Variants in RALGPS1 observed in about 807,000 individuals in gnomAD.
RALGPS1 encodes the protein Ral GEF with PH domain and SH3 binding motif 1, also known as ras-specific guanine nucleotide-releasing factor RalGPS1.
A neutral mutation model predicts 78.8 loss-of-function variants in RALGPS1; 19 were observed. The observed-to-expected ratio is 0.24, with a 90% CI of 0.17 to 0.35. The LOEUF (loss-of-function observed/expected upper bound fraction) is 0.35. RALGPS1 is among the 10% of genes least tolerant of loss of function. The pLI, the probability that RALGPS1 is intolerant of heterozygous loss-of-function variation, is 1.00. For missense variants in RALGPS1, 454 were observed against 688.3 expected (o/e 0.66, Z 3.81); for synonymous variants, 228 against 256.3 (o/e 0.89, Z 1.06).
At chr9:127,124,617 G>A (rs900318294) in intron 8 of RALGPS1, among the ~76,000 whole-genome samples, 1 of 152,204 alleles carries the variant, frequency 6.6e-6, no homozygotes, top group Non-Finnish European at 1.5e-5. Context: ...TAGTAACTGG[G>A]ATAGACTCGG....
intron 1 of RALGPS1, among the ~76,000 whole-genome samples, chr9:126,953,722 C>T (rs575688743): frequency 8.5e-5 from 13 of 152,242 alleles, no homozygotes; most frequent in African/African-American, 1.4e-4. Context: ...GAGGCTTGTG[C>T]GACTCCCCTG....
intron 5 of RALGPS1, among the ~76,000 whole-genome samples, chr9:127,037,027 G>T (rs1300925384): frequency 2.0e-5 from 3 of 152,188 alleles, no homozygotes; most frequent in Non-Finnish European, 4.4e-5. Context: ...GTATGATCTT[G>T]GGTTGGCTTT....
chr9:127,103,862 C>T (rs750295149), intron 8 of RALGPS1, among the ~76,000 whole-genome samples: 1 of 152,184 alleles, frequency 6.6e-6, no homozygotes, highest in Non-Finnish European at 1.5e-5. Flanking sequence ...GTGATTTTTA[C>T]ACCAGTTCCC....
intron 8 of RALGPS1, among the ~76,000 whole-genome samples, chr9:127,128,408 T>G (rs1333784574): frequency 1.3e-5 from 2 of 152,264 alleles, no homozygotes; most frequent in African/African-American, 2.4e-5. Context: ...GCAGCACTTT[T>G]TCTTTCCTAG....
At chr9:127,108,119 G>T (rs774255661) in intron 8 of RALGPS1, 1 of 1,613,738 alleles carries the variant, frequency 6.2e-7, no homozygotes, top group Non-Finnish European at 8.5e-7. Flanking sequence ...GGCACCCTCT[G>T]GCAGTGCTCC....
At chr9:127,138,573 A>G (rs995724694) in intron 8 of RALGPS1, among the ~76,000 whole-genome samples, 3 of 152,160 alleles carry the variant, frequency 2.0e-5, no homozygotes, top group African/African-American at 7.2e-5. Flanking sequence ...CACATACTCT[A>G]TAGAAGAAAC....
chr9:127,092,149 C>T (rs2052565203), intron 8 of RALGPS1, among the ~76,000 whole-genome samples: 1 of 152,246 alleles, frequency 6.6e-6, no homozygotes, highest in Admixed American at 6.5e-5. Context: ...CTGTGCCAGG[C>T]ATCATGTGAA....
intron 4 of RALGPS1, among the ~76,000 whole-genome samples, chr9:126,982,928 C>CT (rs71377984): frequency 0.022 from 746 of 34,624 alleles, 59 homozygotes; most frequent in African/African-American, 0.043. Context: ...TCTTCTTCTT[C>CT]TTTTTTTTTT....
rs998466632 is a variant in RALGPS1 at position 127,183,379 on chromosome 9, C to T, written c.910+8597C>T. Among the ~76,000 whole-genome samples the T allele has an allele frequency of 6.6e-5, 10 of 152,304 alleles. No homozygotes were observed. Among genetic ancestry groups the T allele is most frequent in the Non-Finnish European group, 1.0e-4 (7 of 68,018 alleles). Reference sequence around the variant, plus strand: ...CCCTGCAGCCCCTTCCATGCCCCCCCGCAAAGTCTGGTGCCCACTGCCAGC... The same window carrying T: ...CCCTGCAGCCCCTTCCATGCCCCCCTGCAAAGTCTGGTGCCCACTGCCAGC... On this transcript the variant is annotated intron_variant, in intron 11 of 18. Coordinates refer to ENST00000259351, the MANE Select transcript of RALGPS1 (RefSeq NM_014636.3). This position sits in a 1 kb window ranked among gnomAD's most constrained non-coding sequence, Gnocchi z 4.0.
At chr9:127,004,569 C>T (rs1489816916) in intron 4 of RALGPS1, among the ~76,000 whole-genome samples, 1 of 152,190 alleles carries the variant, frequency 6.6e-6, no homozygotes, top group African/African-American at 2.4e-5. Context: ...TTTCACATCA[C>T]TATGTTATGT....
In RALGPS1 at chr9:127,155,270, G is replaced by A. The variant is rs2058649434; in HGVS notation, c.611-10799G>A. Among the ~76,000 whole-genome samples the A allele has an allele frequency of 2.0e-5, 3 of 152,222 alleles. No individual in the cohort carries two copies. In the South Asian group the frequency reaches 6.2e-4, roughly 32 times the overall value. Reference sequence around the variant, plus strand: ...TTTCTGAGCCCCTGCTCTATGCTAGGCTTGGTGCTGGGCCCTTGAGCATGC... The same window carrying A: ...TTTCTGAGCCCCTGCTCTATGCTAGACTTGGTGCTGGGCCCTTGAGCATGC... On this transcript the variant is annotated intron_variant, in intron 8 of 18. Coordinates refer to ENST00000259351, the MANE Select transcript of RALGPS1 (RefSeq NM_014636.3).
intron 7 of RALGPS1, among the ~76,000 whole-genome samples, chr9:127,058,218 G>A (rs1254744576): frequency 6.6e-6 from 1 of 152,236 alleles, no homozygotes; most frequent in Non-Finnish European, 1.5e-5. Flanking sequence ...GGATGTGAGA[G>A]GCAGTGACTG....
At position 127,125,351 on chromosome 9, in the gene RALGPS1, T is replaced by A. The variant is rs2056533755; in HGVS notation, c.611-40718T>A. 2.6e-5 allele frequency among the ~76,000 whole-genome samples: 4 copies of A among 152,168 alleles called. No individual in the cohort carries two copies. The South Asian group carries it at 8.3e-4, about 32-fold the overall frequency. On this transcript the variant is annotated intron_variant, in intron 8 of 18. Transcript: ENST00000259351. The stretch of plus-strand genomic sequence containing the variant: ...AGTACAGAGGAGTGAATAAACGAAC[T>A]GCTGGCTGGAGGAGGATGAAGAGCC...
intron 1 of RALGPS1, chr9:126,915,321 G>T (rs1177393456): frequency 1.4e-5 from 2 of 143,192 alleles, no homozygotes; most frequent in Non-Finnish European, 3.1e-5. Context: ...GGCTGCAGGT[G>T]CGGGGGGCGG....
At chr9:127,096,100 G>A (rs1171139393) in intron 8 of RALGPS1, among the ~76,000 whole-genome samples, 1 of 152,200 alleles carries the variant, frequency 6.6e-6, no homozygotes, top group Non-Finnish European at 1.5e-5. Context: ...GGTAGCAGAT[G>A]GGGCACAAGC....
At chr9:127,176,428 G>A (rs1053161365) in intron 11 of RALGPS1, among the ~76,000 whole-genome samples, 2 of 152,192 alleles carry the variant, frequency 1.3e-5, no homozygotes, top group African/African-American at 4.8e-5. Flanking sequence ...AGGGAGCAGG[G>A]CAGGGTTCCT....
At chr9:126,942,682 C>T (rs1323248586) in intron 1 of RALGPS1, among the ~76,000 whole-genome samples, 2 of 152,052 alleles carry the variant, frequency 1.3e-5, no homozygotes, top group Admixed American at 6.5e-5. Flanking sequence ...TTTAATTATT[C>T]TTCCAGATGA....
chr9:126,946,230 T>C (rs1399091271), intron 1 of RALGPS1, among the ~76,000 whole-genome samples: 5 of 152,062 alleles, frequency 3.3e-5, no homozygotes, highest in African/African-American at 9.7e-5. Context: ...TCAAAGCAAA[T>C]GTTCCCTGGA....
chr9:127,042,554 C>G (rs934683285), intron 5 of RALGPS1, among the ~76,000 whole-genome samples: 4 of 152,142 alleles, frequency 2.6e-5, no homozygotes, highest in African/African-American at 4.8e-5. Flanking sequence ...AGTCCTTCAG[C>G]CAACATCATA....
Sources: allele counts gnomAD v4.1 joint callset (sites outside exome capture counted in the v4.1 genomes callset), GRCh38; gene constraint gnomAD v4.1.1; non-coding constraint Gnocchi (gnomAD v3.1); transcripts MANE v1.5; gene names NCBI Gene and HGNC (gene_info 2026-07-23, HGNC 2026-07-21).